Variants in SMYD3 observed in about 807,000 individuals in gnomAD.
SMYD3 encodes the protein histone-lysine N-methyltransferase SMYD3.
A neutral mutation model predicts 57.7 loss-of-function variants in SMYD3; 36 were observed. The observed-to-expected ratio is 0.62, with a 90% CI of 0.48 to 0.82. The LOEUF (loss-of-function observed/expected upper bound fraction) is 0.82, where lower values mean the gene tolerates loss of function less well. Among genes scored for constraint, SMYD3 ranks in the 40% least tolerant of loss-of-function variants. The probability of loss-of-function intolerance (pLI) is 0.00; values close to 1 mark genes in which losing one functional copy is unlikely to be tolerated. For synonymous variants in SMYD3, 211 were observed against 195.0 expected, an observed-to-expected ratio of 1.08 and a Z score of -0.68; for missense variants, 515 against 538.8, an observed-to-expected ratio of 0.96 and a Z score of 0.44.
intron 1 of SMYD3, among the ~76,000 whole-genome samples, chr1:246,444,785 T>A (rs1015444853): frequency 6.6e-6 from 1 of 152,196 alleles, no homozygotes; most frequent in African/African-American, 2.4e-5. Context: ...TAACTCAACA[T>A]TGGAAGCCAG....
intron 1 of SMYD3, among the ~76,000 whole-genome samples, chr1:246,431,222 AAAG>A (rs1210245868): frequency 1.3e-5 from 2 of 152,230 alleles, no homozygotes; most frequent in Non-Finnish European, 1.5e-5. Context: ...TAATCAAAAA[AAAG>A]AAAAAAACAA....
intron 1 of SMYD3, among the ~76,000 whole-genome samples, chr1:246,470,512 A>T (rs1162787213): frequency 1.2e-4 from 16 of 133,138 alleles, no homozygotes; most frequent in African/African-American, 5.3e-4. Context: ...AAAAAAATTA[A>T]AAAAAAAAAT....
chr1:246,141,094 T>C (rs1182508612), intron 5 of SMYD3, among the ~76,000 whole-genome samples: 2 of 152,186 alleles, frequency 1.3e-5, no homozygotes, highest in Non-Finnish European at 2.9e-5. Context: ...TATGTTTTTC[T>C]TGAAGCTGGT....
intron 10 of SMYD3, among the ~76,000 whole-genome samples, chr1:245,775,715 T>TAAAAAAAAAAAAA (rs749327071): frequency 1.8e-5 from 2 of 109,906 alleles, no homozygotes; most frequent in Non-Finnish European, 3.8e-5. Flanking sequence ...CAATAAATAC[T>TAAAAAAAAAAAAA]AAAAAAAAAA....
chr1:245,818,154 C>A (rs1346263002), intron 10 of SMYD3, among the ~76,000 whole-genome samples: 1 of 152,154 alleles, frequency 6.6e-6, no homozygotes, highest in Admixed American at 6.5e-5. Context: ...AGAGAAAGAT[C>A]GGGTTACCCT....
chr1:246,376,692 T>C (rs984302096), intron 1 of SMYD3, among the ~76,000 whole-genome samples: 1 of 151,756 alleles, frequency 6.6e-6, no homozygotes, highest in Non-Finnish European at 1.5e-5. Context: ...TTTCCAAAAC[T>C]TTCTGGTCTC....
At chr1:246,177,784 A>G (rs968328270) in intron 5 of SMYD3, among the ~76,000 whole-genome samples, 1 of 152,222 alleles carries the variant, frequency 6.6e-6, no homozygotes, top group African/African-American at 2.4e-5. Flanking sequence ...ATTAGTACAT[A>G]GAAAAGTTGC....
intron 5 of SMYD3, among the ~76,000 whole-genome samples, chr1:246,114,931 A>G (rs1034739348): frequency 4.6e-5 from 7 of 152,142 alleles, no homozygotes; most frequent in African/African-American, 1.7e-4. Flanking sequence ...CACCCGGCCT[A>G]AACTTGGTTT....
intron 10 of SMYD3, among the ~76,000 whole-genome samples, chr1:245,839,370 C>T (rs561596318): frequency 2.7e-4 from 41 of 152,026 alleles, no homozygotes; most frequent in Middle Eastern, 3.4e-3. Flanking sequence ...GGGGTTTCAC[C>T]GTGTTAGCCA....
intron 5 of SMYD3, among the ~76,000 whole-genome samples, chr1:246,227,956 C>CTTT (rs202246263): frequency 0.013 from 1,552 of 115,482 alleles, 30 homozygotes; most frequent in African/African-American, 0.03. Flanking sequence ...ATTTTTATTC[C>CTTT]TTTTTTTTTT....
chr1:246,440,211 TAGAGAA>T (rs1572503313), intron 1 of SMYD3, among the ~76,000 whole-genome samples: 1 of 152,026 alleles, frequency 6.6e-6, no homozygotes, highest in African/African-American at 2.4e-5. Context: ...AATATATAGA[TAGAGAA>T]AATTTTATTT....
intron 5 of SMYD3, among the ~76,000 whole-genome samples, chr1:246,305,495 A>T (rs2064964478): frequency 6.6e-6 from 1 of 152,230 alleles, no homozygotes. Flanking sequence ...TTTATAATGT[A>T]CAGATAAGGG....
chr1:245,849,093 G>A (rs1298825815), intron 10 of SMYD3, among the ~76,000 whole-genome samples: 1 of 152,164 alleles, frequency 6.6e-6, no homozygotes, highest in Non-Finnish European at 1.5e-5. Flanking sequence ...AACCAAGGAG[G>A]CACAGGACTG....
At chr1:246,324,274 G>A (rs2065300996) in intron 5 of SMYD3, among the ~76,000 whole-genome samples, 1 of 152,040 alleles carries the variant, frequency 6.6e-6, no homozygotes, top group Non-Finnish European at 1.5e-5. Flanking sequence ...AATTGGCCAG[G>A]TGTGGTGGCA....
intron 10 of SMYD3, among the ~76,000 whole-genome samples, chr1:245,786,214 G>GGC (rs1553321347): frequency 2.9e-5 from 2 of 68,724 alleles, no homozygotes; most frequent in Admixed American, 1.7e-4. Flanking sequence ...GGGTGTGGAC[G>GGC]GGGGGGGGAT....
At chr1:246,178,503 G>C (rs1288552697) in intron 5 of SMYD3, among the ~76,000 whole-genome samples, 1 of 152,142 alleles carries the variant, frequency 6.6e-6, no homozygotes, top group Non-Finnish European at 1.5e-5. Flanking sequence ...CTTGCTTTGT[G>C]GAAGTATTTT....
In SMYD3 at chr1:246,335,435, G is replaced by T. The variant is rs1558408527; in HGVS notation, c.268C>A (p.Leu90Ile). ...GGATATCTGGGTTTGCAGCTTTTAA[G>T]GCATTTGCATTCCCGCTTGTGGTCT... ...WPDHKRECKCLKSCKPRYPPD... is the reference protein window; with the variant it reads ...WPDHKRECKCIKSCKPRYPPD... Residue 90 changes from leucine to isoleucine, a missense_variant, in exon 3 of 12, where the codon CTT (leucine) becomes ATT (isoleucine). Physicochemically the swap from Leu to Ile is conservative, Grantham distance 5. Coordinates refer to ENST00000490107, the MANE Select transcript of SMYD3 (RefSeq NM_001167740.2). 5 of 1,614,158 alleles carry T rather than the reference G, an allele frequency of 3.1e-6. No individual in the cohort carries two copies. The highest frequency in any genetic ancestry group is 3.4e-6 in the Non-Finnish European group (4 of 1,180,020).
intron 8 of SMYD3, among the ~76,000 whole-genome samples, chr1:245,903,643 C>T (rs914294499): frequency 4.6e-5 from 7 of 152,208 alleles, no homozygotes; most frequent in Non-Finnish European, 7.3e-5. Flanking sequence ...AGCAGTGGTG[C>T]GTGGTGACAA....
chr1:246,322,804 C>A (rs1222787835), intron 5 of SMYD3, among the ~76,000 whole-genome samples: 1 of 152,216 alleles, frequency 6.6e-6, no homozygotes, highest in Non-Finnish European at 1.5e-5. Flanking sequence ...CTCAGCATCC[C>A]CTCCTCTAGA....
Sources: gnomAD v4.1 joint callset for allele counts (sites outside exome capture counted in the v4.1 genomes callset) on GRCh38, gnomAD v4.1.1 for gene constraint, MANE v1.5 for transcripts, NCBI Gene and HGNC (gene_info 2026-07-23, HGNC 2026-07-21) for gene names.